CEP350: variants seen among roughly 807,000 people sequenced by gnomAD.
The protein encoded by CEP350 is centrosomal protein 350.
In CEP350, 126 loss-of-function variants were observed where a neutral mutation model predicts 331.8. The observed-to-expected ratio is 0.38, with a 90% CI of 0.33 to 0.44. CEP350 has a LOEUF of 0.44. Ranked by LOEUF, CEP350 falls within the 20% of genes least tolerant of loss-of-function variation. CEP350 has a pLI of 1.00. For missense variants in CEP350, 3,406 were observed against 3,634.6 expected (o/e 0.94, Z 1.62); for synonymous variants, 1,200 against 1,259.5 (o/e 0.95, Z 1.00).
At chr1:179,999,630 A>T (rs1653727852) in intron 6 of CEP350, among the ~76,000 whole-genome samples, 1 of 152,196 alleles carries the variant, frequency 6.6e-6, no homozygotes, top group South Asian at 2.1e-4. Context: ...AAAGATGAGT[A>T]TACCTTGAAA....
intron 27 of CEP350, among the ~76,000 whole-genome samples, chr1:180,070,678 T>C (rs1658823935): frequency 6.6e-6 from 1 of 152,232 alleles, no homozygotes; most frequent in African/African-American, 2.4e-5. Context: ...TAAGTTAGCG[T>C]ATCTGCTTTC....
At chr1:179,961,300 T>G (rs931087901) in intron 1 of CEP350, among the ~76,000 whole-genome samples, 4 of 151,922 alleles carry the variant, frequency 2.6e-5, no homozygotes, top group African/African-American at 9.7e-5. Context: ...ACAAAAAAAT[T>G]AGCTCGGCGT....
In CEP350 at chr1:180,014,371, T is replaced by C. The variant is rs767263396; in HGVS notation, c.1918T>C (p.Phe640Leu). ...GCTCTACCGGAAGCAGAAGGAAGCC[T>C]TTACTAAAGTAAAAAATGTCCCTCC... is the stretch of plus-strand genomic sequence containing the variant. ...QELYRKQKEA[F>L]TKVKNVPPSE... is the part of the protein sequence containing the mutation. The change falls in exon 10 of 38, where the codon TTT (phenylalanine) becomes CTT (leucine). Residue 640 changes from phenylalanine (F) to leucine (L), a missense_variant. Physicochemically the swap from Phe to Leu is conservative, Grantham distance 22. This residue lies in a region of CEP350 where 1,857 missense variants were observed against 1,909.2 expected (regional missense o/e 0.97). Coordinates refer to ENST00000367607, the MANE Select transcript of CEP350 (RefSeq NM_014810.5). 6.3e-7 allele frequency: 1 copy of C among 1,594,844 alleles called. No homozygotes were observed. The highest frequency in any genetic ancestry group is 1.3e-5 in the African/African-American group (1 of 74,588).
intron 11 of CEP350, among the ~76,000 whole-genome samples, chr1:180,018,355 C>T (rs1050331077): frequency 5.9e-5 from 9 of 152,042 alleles, no homozygotes; most frequent in African/African-American, 2.2e-4. Flanking sequence ...ATTTTTGTCT[C>T]CTGTTTCTCT....
chr1:180,042,132 T>TCTCACACACA lies in CEP350; in HGVS notation c.4362+331_4362+332insTCACACACAC, dbSNP rs1553258521. Among the ~76,000 whole-genome samples the TCTCACACACA allele has an allele frequency of 4.7e-3, 695 of 146,870 alleles. 2 individuals are homozygous for TCTCACACACA. The highest frequency in any genetic ancestry group is 7.4e-3 in the Non-Finnish European group (491 of 66,666). ...AGTATGCAATTTGGTGAGTTTTCTCTCACACACACACACACACACACACAC... is the reference window on the plus strand; with the variant it reads ...AGTATGCAATTTGGTGAGTTTTCTCTCTCACACACACACACACACACACACACACACACAC... On this transcript the variant is annotated intron_variant, in intron 19 of 37. Transcript: ENST00000367607.
chr1:180,077,091 A>C (rs1659266761), intron 28 of CEP350, among the ~76,000 whole-genome samples: 1 of 152,188 alleles, frequency 6.6e-6, no homozygotes, highest in African/African-American at 2.4e-5. Flanking sequence ...AATTCTCATT[A>C]CTTACAGTTA....
chr1:180,024,374 G>A, intron 13 of CEP350, 45 bp from the exon 14 acceptor site: 2 of 1,541,096 alleles, frequency 1.3e-6, no homozygotes, highest in Non-Finnish European at 1.8e-6. Flanking sequence ...TAGCTGTGTT[G>A]TAAGACTTTT....
At chr1:180,073,697 AG>A (rs1659041420) in intron 27 of CEP350, 1 of 1,015,732 alleles carries the variant, frequency 9.8e-7, no homozygotes, top group Admixed American at 3.0e-5. Context: ...GCATATTAAA[AG>A]TTCTTCACTC....
At chr1:180,110,595 G>A (rs970979388) in intron 37 of CEP350, among the ~76,000 whole-genome samples, 2 of 152,070 alleles carry the variant, frequency 1.3e-5, no homozygotes, top group African/African-American at 2.4e-5. Context: ...AATTTACTGC[G>A]AATTTATTGG....
At chr1:180,042,940 C>T (rs1656864137) in intron 19 of CEP350, 116 bp from the exon 20 acceptor site, 1 of 1,084,118 alleles carries the variant, frequency 9.2e-7, no homozygotes, top group Non-Finnish European at 1.3e-6. Context: ...CTATTAGTGG[C>T]AGAATTTGCT....
chr1:180,103,776 C>T (rs1274148991), intron 37 of CEP350, among the ~76,000 whole-genome samples: 5 of 151,938 alleles, frequency 3.3e-5, no homozygotes, highest in Non-Finnish European at 7.4e-5. Flanking sequence ...ACATCTTTGG[C>T]CTTAATTCTC....
chr1:180,002,835 T>A (rs1653956192), intron 6 of CEP350, among the ~76,000 whole-genome samples: 1 of 152,070 alleles, frequency 6.6e-6, no homozygotes, highest in Non-Finnish European at 1.5e-5. Flanking sequence ...GAGATAAAAA[T>A]AAGACACAAA....
chr1:180,029,297 TTAAAG>T (rs1655862009), intron 14 of CEP350, among the ~76,000 whole-genome samples: 1 of 152,176 alleles, frequency 6.6e-6, no homozygotes, highest in Admixed American at 6.5e-5. Context: ...TTCTAGTTGT[TTAAAG>T]TCAAGAAAAA....
chr1:180,101,805 A>ATACT (rs751624693), intron 37 of CEP350, among the ~76,000 whole-genome samples: 17 of 152,226 alleles, frequency 1.1e-4, no homozygotes, highest in Admixed American at 2.6e-4. Flanking sequence ...AGAACTCAGT[A>ATACT]AACACTTACT....
At position 180,074,025 on chromosome 1, in the gene CEP350, T is replaced by C. The variant is rs1031092744; in HGVS notation, c.5568-997T>C. ...TTTTTAATAGCCTGGAGGCCTCTTA[T>C]CAAATGTCCCATAAATTTTACCTTT... On this transcript the variant is annotated intron_variant, in intron 27 of 37. Transcript: ENST00000367607. 13 of 875,290 alleles carry C rather than the reference T, an allele frequency of 1.5e-5. No individual in the cohort carries two copies. In the African/African-American group the frequency reaches 2.0e-4, roughly 13 times the overall value. The allele number at this position is 875,290 out of a possible 1,614,324, so 54.2% of individuals were successfully genotyped here. A position where few individuals can be genotyped will look rare whatever the true frequency, so the allele number is the denominator to read the frequency against.
At chr1:180,059,818 T>C (rs1347890016) in intron 25 of CEP350, among the ~76,000 whole-genome samples, 1 of 152,224 alleles carries the variant, frequency 6.6e-6, no homozygotes, top group Non-Finnish European at 1.5e-5. Flanking sequence ...AGTCAGGATT[T>C]TGAAAAATTT....
chr1:180,097,064 G>T (rs112181855), intron 36 of CEP350, among the ~76,000 whole-genome samples: 172 of 152,330 alleles, frequency 1.1e-3, no homozygotes, highest in African/African-American at 3.7e-3. Context: ...TTTGATCACA[G>T]AAAGCCTTTA....
chr1:180,045,601 T>G (rs1050856440), intron 21 of CEP350, among the ~76,000 whole-genome samples: 1 of 152,186 alleles, frequency 6.6e-6, no homozygotes, highest in Non-Finnish European at 1.5e-5. Flanking sequence ...CTATCTGATG[T>G]TCATTTAACC....
chr1:180,091,278 T>G (rs1660182243), intron 33 of CEP350, among the ~76,000 whole-genome samples: 1 of 151,914 alleles, frequency 6.6e-6, no homozygotes, highest in African/African-American at 2.4e-5. Flanking sequence ...CTCAGCCTGG[T>G]TGAACATTAC....
Sources: allele counts gnomAD v4.1 joint callset (sites outside exome capture counted in the v4.1 genomes callset), GRCh38; gene constraint gnomAD v4.1.1; regional missense constraint gnomAD v4.1.1; transcripts MANE v1.5; gene names NCBI Gene and HGNC (gene_info 2026-07-23, HGNC 2026-07-21).